Variants in MYO1A observed in about 807,000 individuals in gnomAD.
MYO1A encodes the protein unconventional myosin-Ia.
MYO1A carries 127 observed loss-of-function variants against 138.5 expected under a neutral mutation model. The ratio of observed to expected loss-of-function variants is 0.92; its 90% CI spans 0.79 to 1.06. The LOEUF is 1.06. MYO1A is among the 50% of genes least tolerant of loss of function. The pLI, the probability that MYO1A is intolerant of heterozygous loss-of-function variation, is 0.00. For synonymous variants in MYO1A, 477 were observed against 497.5 expected (o/e 0.96, Z 0.55); for missense variants, 1,211 against 1,288.8 (o/e 0.94, Z 0.92).
upstream of MYO1A, chr12:57,050,631 A>G (rs919168970): frequency 6.6e-6 from 1 of 152,238 alleles, no homozygotes; most frequent in Non-Finnish European, 1.5e-5. Flanking sequence ...AAGCAGACAA[A>G]ATCCCCAAAT....
chr12:57,047,488 GCCTCACCACC>G, intron 4 of MYO1A, 81 bp from the exon 5 acceptor site: 1 of 1,499,504 alleles, frequency 6.7e-7, no homozygotes, highest in South Asian at 1.1e-5. Flanking sequence ...TCACCCCAGT[GCCTCACCACC>G]CCTTGGAGTC....
At position 57,028,519 on chromosome 12, in the gene MYO1A, A is replaced by G. The variant is rs932954025; in HGVS notation, c.*236T>C. On this transcript the variant is annotated 3_prime_UTR_variant, in exon 28 of 28. Coordinates refer to ENST00000300119, the MANE Select transcript of MYO1A (RefSeq NM_005379.4). ...AACAAGGACCCACCCACCCTGACTG[A>G]ACCTTTCCAAGCCACATGTTTTATT... The G allele has an allele frequency of 4.2e-5, 22 of 525,812 alleles. No homozygotes were observed. Among genetic ancestry groups the G allele is most frequent in the Non-Finnish European group, 6.4e-5 (19 of 298,532 alleles). 32.6% of individuals were successfully genotyped at this position (525,812 alleles called of 1,614,324 possible).
At chr12:57,044,317 AG>A in intron 8 of MYO1A, 108 bp from the exon 9 acceptor site, 1 of 884,602 alleles carries the variant, frequency 1.1e-6, no homozygotes, top group South Asian at 1.4e-5. Flanking sequence ...ACTTATCCAA[AG>A]GAGTCATTTT....
At position 57,028,565 on chromosome 12, in the gene MYO1A, G is replaced by C. The variant is rs1396115198; in HGVS notation, c.*190C>G. 4 of 694,632 alleles carry C rather than the reference G, an allele frequency of 5.8e-6. No homozygotes were observed. The highest frequency in any genetic ancestry group is 9.4e-6 in the Non-Finnish European group (4 of 423,792). The allele number at this position is 694,632 out of a possible 1,614,324, so 43.0% of individuals were successfully genotyped here. On this transcript the variant is annotated 3_prime_UTR_variant, in exon 28 of 28. Coordinates refer to ENST00000300119, the MANE Select transcript of MYO1A (RefSeq NM_005379.4). ...TTATTAGTGTGCAGAGAGGCTGCGGGTTGGAGGAAGCTACTTTTGGAGGAG... is the reference window on the plus strand; with the variant it reads ...TTATTAGTGTGCAGAGAGGCTGCGGCTTGGAGGAAGCTACTTTTGGAGGAG...
chr12:57,029,637 A>C (rs529506371), intron 25 of MYO1A, 50 bp from the exon 26 acceptor site: 1 of 1,613,416 alleles, frequency 6.2e-7, no homozygotes, highest in South Asian at 1.1e-5. Flanking sequence ...AATTGCCCCC[A>C]CTCCACCTGG....
In MYO1A at chr12:57,043,137, G is replaced by A; in HGVS notation, c.1033C>T (p.Leu345=). 6.2e-7 allele frequency: 1 copy of A among 1,614,170 alleles called. No homozygotes were observed. The highest frequency in any genetic ancestry group is 8.5e-7 in the Non-Finnish European group (1 of 1,180,024). The change falls in exon 12 of 28, where the codon CTG becomes TTG. Residue 345 remains leucine (L), a synonymous_variant. Coordinates refer to ENST00000300119, the MANE Select transcript of MYO1A (RefSeq NM_005379.4). ...VMQAQYARDA[L]AKNIYSRLFD... is the part of the protein sequence containing the mutation. Reference sequence around the variant, plus strand: ...AGGCGGCTGTAGATGTTCTTAGCCAGGGCGTCCCGAGCATACTGAGCCTGT... The same window carrying A: ...AGGCGGCTGTAGATGTTCTTAGCCAAGGCGTCCCGAGCATACTGAGCCTGT...
intron 12 of MYO1A, among the ~76,000 whole-genome samples, chr12:57,042,502 T>G (rs752972565): frequency 2.0e-5 from 3 of 152,236 alleles, no homozygotes; most frequent in Non-Finnish European, 2.9e-5. Context: ...GGTATATACC[T>G]AGGAGTGGGA....
intron 17 of MYO1A, 47 bp downstream of exon 17, chr12:57,038,365 C>T (rs375849615): frequency 3.8e-5 from 60 of 1,588,758 alleles, no homozygotes; most frequent in African/African-American, 1.5e-4. Flanking sequence ...GGACCCTGCA[C>T]GTGCCATCAC....
rs1356900234 is a variant in MYO1A at position 57,047,601 on chromosome 12, T to C, written c.325+26A>G. Reference sequence around the variant, plus strand: ...GGAAGCAGTTCCAGAGGTGACTCCATGTGTTCCCCCAGCCAGGGGCCTCAC... The same window carrying C: ...GGAAGCAGTTCCAGAGGTGACTCCACGTGTTCCCCCAGCCAGGGGCCTCAC... On this transcript the variant is annotated intron_variant, in intron 4 of 27. Coordinates refer to ENST00000300119, the MANE Select transcript of MYO1A (RefSeq NM_005379.4). 3.1e-6 allele frequency: 5 copies of C among 1,611,252 alleles called. No individual in the cohort carries two copies. The East Asian group carries it at 6.7e-5, about 22-fold the overall frequency.
At chr12:57,033,674 A>G (rs1846626765) in intron 22 of MYO1A, among the ~76,000 whole-genome samples, 1 of 152,156 alleles carries the variant, frequency 6.6e-6, no homozygotes, top group Non-Finnish European at 1.5e-5. Flanking sequence ...TTTACATCCC[A>G]TAGAGCACCT....
chr12:57,039,082 C>G, intron 15 of MYO1A, 73 bp from the exon 16 acceptor site: 1 of 1,567,976 alleles, frequency 6.4e-7, no homozygotes, highest in Non-Finnish European at 8.7e-7. Context: ...ATTGCTGCCC[C>G]CTTTCTCCAC....
chr12:57,039,683 AAAC>A (rs1330156664), intron 14 of MYO1A, among the ~76,000 whole-genome samples: 1 of 152,240 alleles, frequency 6.6e-6, no homozygotes, highest in African/African-American at 2.4e-5. Context: ...GTTTATCATC[AAAC>A]AACAAGGCTA....
intron 3 of MYO1A, 100 bp from the exon 4 acceptor site, chr12:57,047,821 G>T (rs2031178905): frequency 6.4e-7 from 1 of 1,568,852 alleles, no homozygotes; most frequent in Non-Finnish European, 8.6e-7. Flanking sequence ...CTCTCTACTT[G>T]GAGCAGACTG....
intron 3 of MYO1A, 26 bp downstream of exon 3, chr12:57,047,963 A>G (rs1397182668): frequency 1.9e-6 from 3 of 1,602,254 alleles, no homozygotes; most frequent in Admixed American, 3.3e-5. Flanking sequence ...GGGCCCTGTC[A>G]GCCTTCCCTT....
rs369815361 is a variant in MYO1A at position 57,037,858 on chromosome 12, T to C, written c.1961+11A>G. The stretch of plus-strand genomic sequence containing the variant: ...CCTTTCCTGATGCCCAGTCTCCCCA[T>C]GGGGTCTTACCGGTCTCCCCCATTC... On this transcript the variant is annotated intron_variant, in intron 18 of 27. Coordinates refer to ENST00000300119, the MANE Select transcript of MYO1A (RefSeq NM_005379.4). 1.1e-5 allele frequency: 17 copies of C among 1,613,686 alleles called. No individual in the cohort carries two copies. The highest frequency in any genetic ancestry group is 1.4e-5 in the Non-Finnish European group (16 of 1,179,844).
chr12:57,047,576 G>C, intron 4 of MYO1A, 51 bp downstream of exon 4: 1 of 1,591,346 alleles, frequency 6.3e-7, no homozygotes. Flanking sequence ...AAAGAGACAA[G>C]GAAGCAGTTC....
At chr12:57,046,687 T>C (rs1489299433) in intron 7 of MYO1A, 37 bp from the exon 8 acceptor site, 1 of 1,572,634 alleles carries the variant, frequency 6.4e-7, no homozygotes, top group Admixed American at 1.7e-5. Flanking sequence ...CCTGAGGGCC[T>C]GGGAGATGCC....
At position 57,044,095 on chromosome 12, in the gene MYO1A, T is replaced by C. The variant is rs945983887; in HGVS notation, c.744+11A>G. Reference sequence around the variant, plus strand: ...CTAAGGGCCCAAGCCTGCCTCACCCTGGGCACCCACCTGTACAGCCCTGAA... The same window carrying C: ...CTAAGGGCCCAAGCCTGCCTCACCCCGGGCACCCACCTGTACAGCCCTGAA... On this transcript the variant is annotated intron_variant, in intron 9 of 27. Coordinates refer to ENST00000300119, the MANE Select transcript of MYO1A (RefSeq NM_005379.4). 2 of 1,614,186 alleles carry C rather than the reference T, an allele frequency of 1.2e-6. No individual in the cohort carries two copies. Among genetic ancestry groups the C allele is most frequent in the Non-Finnish European group, 1.7e-6 (2 of 1,180,008 alleles).
Position 57,037,107 on chromosome 12 carries a change from A to G in MYO1A, c.2056-16T>C. 6.2e-7 allele frequency: 1 copy of G among 1,613,862 alleles called. No individual in the cohort carries two copies. The highest frequency in any genetic ancestry group is 1.3e-5 in the African/African-American group (1 of 75,022). ...GGTAGAAAAGCTGTGGAGAGGTGGAAGGGGGTGACAGAGAGACTGGCTCAG... is the reference window on the plus strand; with the variant it reads ...GGTAGAAAAGCTGTGGAGAGGTGGAGGGGGGTGACAGAGAGACTGGCTCAG... On this transcript the variant is annotated splice_polypyrimidine_tract_variant and intron_variant, in intron 19 of 27. Coordinates refer to ENST00000300119, the MANE Select transcript of MYO1A (RefSeq NM_005379.4).
Sources: allele counts gnomAD v4.1 joint callset (sites outside exome capture counted in the v4.1 genomes callset), GRCh38; gene constraint gnomAD v4.1.1; transcripts MANE v1.5; gene names NCBI Gene and HGNC (gene_info 2026-07-23, HGNC 2026-07-21).